The following URAD variants were observed in gnomAD, a reference collection of about 807,000 sequenced individuals.
URAD encodes the protein ureidoimidazoline (2-oxo-4-hydroxy-4-carboxy-5-) decarboxylase, also known as putative 2-oxo-4-hydroxy-4-carboxy-5-ureidoimidazoline decarboxylase.
A neutral mutation model predicts 4.6 loss-of-function variants in URAD; 4 were observed. The observed-to-expected ratio is 0.87, with a 90% confidence interval of 0.43 to 1.98. URAD has a LOEUF of 1.98. URAD is among the 30% of genes most tolerant of loss of function. The probability of loss-of-function intolerance (pLI) is 0.03; values close to 1 mark genes in which losing one functional copy is unlikely to be tolerated. For missense variants in URAD, 300 were observed against 255.3 expected (o/e 1.18, Z -1.19); for synonymous variants, 144 against 118.2 (o/e 1.22, Z -1.41).
In URAD at chr13:27,978,314, G is replaced by T. The variant is rs1407470322; in HGVS notation, c.314C>A (p.Ala105Asp). The T allele has an allele frequency of 1.4e-6, 2 of 1,394,314 alleles. No homozygotes were observed. Among genetic ancestry groups the T allele is most frequent in the African/African-American group, 3.0e-5 (2 of 65,810 alleles). 86.4% of individuals were successfully genotyped at this position (1,394,314 alleles called of 1,614,324 possible). A position where few individuals can be genotyped will look rare whatever the true frequency, so the allele number is the denominator to read the frequency against. ...CGCGCGGTACTGCGCGTTGAGCTCG[G>T]CCAGCCGCAGCCGCTCGTCCGCGCC... ...SLGADERLRL[A>D]ELNAQYRARF... The change falls in exon 2 of 2, where the codon GCC (alanine) becomes GAC (aspartate). Residue 105 changes from alanine to aspartate, a missense_variant. Physicochemically the swap from Ala to Asp is moderately radical, Grantham distance 126 (BLOSUM62 -2). Transcript: ENST00000332715.
intron 1 of URAD, among the ~76,000 whole-genome samples, chr13:27,982,696 G>T (rs1472136069): frequency 1.3e-5 from 2 of 152,092 alleles, no homozygotes; most frequent in African/African-American, 4.8e-5. Flanking sequence ...TCATCTGGAT[G>T]ATTTTTGGGT....
chr13:27,981,028 C>CCTCT (rs112351328), intron 1 of URAD, among the ~76,000 whole-genome samples: 17,518 of 117,056 alleles, frequency 0.15, 1,091 homozygotes, highest in Middle Eastern at 0.19. Flanking sequence ...CTCTCTCTCT[C>CCTCT]CTCTCTCTCT....
intron 1 of URAD, among the ~76,000 whole-genome samples, chr13:27,986,971 G>A (rs1870046290): frequency 6.6e-6 from 1 of 152,134 alleles, no homozygotes. Context: ...CTATGGAGAG[G>A]CCCCCAGAAG....
At chr13:27,984,112 A>G (rs749075752) in intron 1 of URAD, among the ~76,000 whole-genome samples, 1 of 152,084 alleles carries the variant, frequency 6.6e-6, no homozygotes, top group Non-Finnish European at 1.5e-5. Context: ...CAGTGGTGCA[A>G]TCATGGCTCA....
chr13:27,978,262 G>C lies in URAD; in HGVS notation c.366C>G (p.Ala122=). 1 of 1,439,040 alleles carries C rather than the reference G, an allele frequency of 6.9e-7. No homozygotes were observed. The highest frequency in any genetic ancestry group is 9.0e-7 in the Non-Finnish European group (1 of 1,105,762). The allele number at this position is 1,439,040 out of a possible 1,614,324, so 89.1% of individuals were successfully genotyped here. A position where few individuals can be genotyped will look rare whatever the true frequency, so the allele number is the denominator to read the frequency against. ...CCGCCGTCCGGTCGCTGAAGCGCGC[G>C]GCGAGCACGAAGGGGAAACCGAAGC... ...RARFGFPFVL[A]ARFSDRTAVP... is the part of the protein sequence containing the mutation. Residue 122 remains alanine (A), a synonymous_variant, in exon 2 of 2, where the codon GCC becomes GCG. Transcript: ENST00000332715.
chr13:27,988,252 GC>G (rs1252600300), intron 1 of URAD, among the ~76,000 whole-genome samples: 1 of 138,688 alleles, frequency 7.2e-6, no homozygotes, highest in East Asian at 3.0e-4. Flanking sequence ...CCACCAACAC[GC>G]CCGGCCTAAA....
At chr13:27,987,233 C>A (rs1051657813) in intron 1 of URAD, among the ~76,000 whole-genome samples, 2 of 152,150 alleles carry the variant, frequency 1.3e-5, no homozygotes, top group Admixed American at 1.3e-4. Context: ...CTGCCCCTCG[C>A]CACCCCTTCA....
chr13:27,986,390 G>A (rs1870029408), intron 1 of URAD, among the ~76,000 whole-genome samples: 1 of 152,142 alleles, frequency 6.6e-6, no homozygotes, highest in Non-Finnish European at 1.5e-5. Flanking sequence ...TCGGGAGCGG[G>A]GGTTGCCCAC....
At chr13:27,980,328 G>A (rs1869837622) in intron 1 of URAD, among the ~76,000 whole-genome samples, 1 of 152,206 alleles carries the variant, frequency 6.6e-6, no homozygotes, top group African/African-American at 2.4e-5. Flanking sequence ...CTCCGTCAGG[G>A]TAGTGCGAAA....
At chr13:27,983,738 A>T (rs568709619) in intron 1 of URAD, among the ~76,000 whole-genome samples, 1 of 152,286 alleles carries the variant, frequency 6.6e-6, no homozygotes, top group East Asian at 1.9e-4. Context: ...ATGTAAGCTC[A>T]TTTAAGGCAA....
intron 1 of URAD, among the ~76,000 whole-genome samples, chr13:27,986,515 G>A (rs1336524912): frequency 6.6e-6 from 1 of 150,510 alleles, no homozygotes; most frequent in African/African-American, 2.5e-5. Flanking sequence ...GATGAAAATG[G>A]AGAAATTGTT....
chr13:27,983,957 G>C (rs1869945985), intron 1 of URAD, among the ~76,000 whole-genome samples: 1 of 152,198 alleles, frequency 6.6e-6, no homozygotes, highest in Non-Finnish European at 1.5e-5. Flanking sequence ...GAACTTATTA[G>C]TATCCAACTC....
chr13:27,978,149 A>T lies in URAD; in HGVS notation c.479T>A (p.Leu160Gln). The T allele has an allele frequency of 6.5e-7, 1 of 1,531,962 alleles. No individual in the cohort carries two copies. Among genetic ancestry groups the T allele is most frequent in the Non-Finnish European group, 8.7e-7 (1 of 1,152,330 alleles). The allele number at this position is 1,531,962 out of a possible 1,614,324, so 94.9% of individuals were successfully genotyped here. A position where few individuals can be genotyped will look rare whatever the true frequency, so the allele number is the denominator to read the frequency against. The change falls in exon 2 of 2, where the codon CTG becomes CAG. Residue 160 changes from leucine (L) to glutamine (Q), a missense_variant. Leu to Gln is a moderately radical substitution (Grantham distance 113). Coordinates refer to ENST00000332715, the MANE Select transcript of URAD (RefSeq NM_001105577.2). ...ALGEVKKIGSLRLADLLRADP... is the reference protein window; with the variant it reads ...ALGEVKKIGSQRLADLLRADP... ...TGCGCGGAGGAGGTCGGCCAGGCGC[A>T]GGCTGCCGATCTTCTTCACCTCGCC...
At chr13:27,985,838 C>T (rs60533540) in intron 1 of URAD, among the ~76,000 whole-genome samples, 2,359 of 152,202 alleles carry the variant, frequency 0.015, 74 homozygotes, top group African/African-American at 0.054. Flanking sequence ...AATACTATTC[C>T]TCATTTTATA....
intron 1 of URAD, among the ~76,000 whole-genome samples, chr13:27,985,184 A>G (rs1462785422): frequency 6.6e-6 from 1 of 150,924 alleles, no homozygotes; most frequent in Non-Finnish European, 1.5e-5. Flanking sequence ...AAGGTGGGGC[A>G]AGGTGGCTCA....
rs1158424131 is a variant in URAD at position 27,979,770 on chromosome 13, C to G, written c.176-1318G>C. On this transcript the variant is annotated intron_variant, in intron 1 of 1. Transcript: ENST00000332715. ...CCCCTGTAAGGTAGACGTCCTCTTC[C>G]TCAAACTTATTGTTTCTGTCTAATA... Among the ~76,000 whole-genome samples, 5 of 152,226 alleles carry G rather than the reference C, an allele frequency of 3.3e-5. No homozygotes were observed. The East Asian group carries it at 7.7e-4, about 23-fold the overall frequency.
chr13:27,978,186 G>A lies in URAD; in HGVS notation c.442C>T (p.Arg148Cys). Reference sequence around the variant, plus strand: ...TTCTTCACCTCGCCCAGAGCAGTGCGCAGCTCCTGCGCGGACGGGCAGAGC... The same window carrying A: ...TTCTTCACCTCGCCCAGAGCAGTGCACAGCTCCTGCGCGGACGGGCAGAGC... The part of the protein sequence containing the change: ...RLLCPSAQEL[R>C]TALGEVKKIG... The change falls in exon 2 of 2, where the codon CGC (arginine) becomes TGC (cysteine). Residue 148 changes from arginine (R) to cysteine (C), a missense_variant. Physicochemically the swap from Arg to Cys is radical, Grantham distance 180 (BLOSUM62 -3). Coordinates refer to ENST00000332715, the MANE Select transcript of URAD (RefSeq NM_001105577.2). The A allele has an allele frequency of 6.6e-7, 1 of 1,512,346 alleles. No homozygotes were observed. Among genetic ancestry groups the A allele is most frequent in the Non-Finnish European group, 8.8e-7 (1 of 1,142,660 alleles). The allele number at this position is 1,512,346 out of a possible 1,614,324, so 93.7% of individuals were successfully genotyped here.
At chr13:27,980,333 G>A (rs1417723864) in intron 1 of URAD, among the ~76,000 whole-genome samples, 16 of 152,192 alleles carry the variant, frequency 1.1e-4, no homozygotes, top group Admixed American at 1.0e-3. Flanking sequence ...TCAGGGTAGT[G>A]CGAAAATGTG....
At position 27,978,546 on chromosome 13, in the gene URAD, C is replaced by A. The variant is rs1382696320; in HGVS notation, c.176-94G>T. 70 of 977,298 alleles carry A rather than the reference C, an allele frequency of 7.2e-5. 1 individual carries two copies. In the South Asian group the frequency reaches 2.6e-3, roughly 36 times the overall value. The allele number at this position is 977,298 out of a possible 1,614,324, so 60.5% of individuals were successfully genotyped here. On this transcript the variant is annotated intron_variant, in intron 1 of 1. Coordinates refer to ENST00000332715, the MANE Select transcript of URAD (RefSeq NM_001105577.2). ...GGCGCGTAGGCCGCGCCCGGCCCCC[C>A]TGCCCCGCCCCGCCCCGCCCGGCCC...
Sources: allele counts gnomAD v4.1 joint callset (sites outside exome capture counted in the v4.1 genomes callset), GRCh38; gene constraint gnomAD v4.1.1; transcripts MANE v1.5; gene names NCBI Gene and HGNC (gene_info 2026-07-23, HGNC 2026-07-21).